The following AKAP13 variants were observed in gnomAD, a reference collection of about 807,000 sequenced individuals.
AKAP13 encodes the protein A-kinase anchor protein 13.
A neutral mutation model predicts 264.5 loss-of-function variants in AKAP13; 80 were observed. The ratio of observed to expected loss-of-function variants is 0.30; its 90% CI spans 0.25 to 0.36. AKAP13 has a LOEUF of 0.36. Ranked by LOEUF, AKAP13 falls within the 10% of genes least tolerant of loss-of-function variation. The pLI is 1.00. For synonymous variants in AKAP13, 1,380 were observed against 1,250.2 expected, an observed-to-expected ratio of 1.10 and a Z score of -2.19; for missense variants, 3,712 against 3,435.2, an observed-to-expected ratio of 1.08 and a Z score of -2.01.
intron 1 of AKAP13, among the ~76,000 whole-genome samples, chr15:85,411,017 A>C (rs1238695464): frequency 1.3e-5 from 2 of 152,210 alleles, no homozygotes; most frequent in Non-Finnish European, 2.9e-5. Flanking sequence ...TGGTTCTCCA[A>C]GTGTAGTCAG....
intron 1 of AKAP13, among the ~76,000 whole-genome samples, chr15:85,472,443 A>G (rs1208564663): frequency 6.6e-6 from 1 of 152,214 alleles, no homozygotes; most frequent in Non-Finnish European, 1.5e-5. Flanking sequence ...TTAGAAATAA[A>G]ACATTTAAGA....
At chr15:85,515,547 T>G (rs1463749190) in intron 2 of AKAP13, among the ~76,000 whole-genome samples, 1 of 139,334 alleles carries the variant, frequency 7.2e-6, no homozygotes, top group Non-Finnish European at 1.5e-5. Context: ...AATAGCAGCT[T>G]GTTTTTATTA....
At position 85,437,311 on chromosome 15, in the gene AKAP13, A is replaced by T. The variant is rs372557940; in HGVS notation, c.-11-48399A>T. On this transcript the variant is annotated intron_variant, in intron 1 of 36. Transcript: ENST00000394518. ...TGAATAGACCAATAACAGGAGCTGA[A>T]ATTATGGCAATAATCAATAGTTTAC... Among the ~76,000 whole-genome samples the T allele has an allele frequency of 1.4e-4, 22 of 152,252 alleles. No individual in the cohort carries two copies. In the East Asian group the frequency reaches 3.7e-3, roughly 25 times the overall value.
intron 8 of AKAP13, among the ~76,000 whole-genome samples, chr15:85,634,121 A>G (rs902404374): frequency 6.6e-6 from 1 of 152,218 alleles, no homozygotes; most frequent in Non-Finnish European, 1.5e-5. Context: ...CTGTAATAGT[A>G]AAATAGCTGA....
intron 8 of AKAP13, chr15:85,621,453 T>C (rs1217688679): frequency 6.6e-6 from 1 of 152,256 alleles, no homozygotes. Flanking sequence ...TTTGTCCTCA[T>C]ATAATGTATT....
At chr15:85,508,955 C>T (rs2076329029) in intron 2 of AKAP13, among the ~76,000 whole-genome samples, 1 of 152,172 alleles carries the variant, frequency 6.6e-6, no homozygotes, top group Non-Finnish European at 1.5e-5. Context: ...AGTATCCTCT[C>T]ATCCCTATTT....
intron 18 of AKAP13, among the ~76,000 whole-genome samples, chr15:85,709,576 G>A (rs1316957987): frequency 6.6e-6 from 1 of 152,098 alleles, no homozygotes; most frequent in African/African-American, 2.4e-5. Flanking sequence ...AGACTCAATT[G>A]TTGTGAATGT....
intron 1 of AKAP13, among the ~76,000 whole-genome samples, chr15:85,399,718 TA>T (rs1431218800): frequency 6.6e-6 from 1 of 151,804 alleles, no homozygotes; most frequent in Non-Finnish European, 1.5e-5. Context: ...TTCTCAATAT[TA>T]AAAGACAGAT....
intron 8 of AKAP13, among the ~76,000 whole-genome samples, chr15:85,618,291 A>G (rs1306812912): frequency 2.0e-5 from 3 of 151,656 alleles, no homozygotes; most frequent in Admixed American, 6.6e-5. Flanking sequence ...CTCCTGAAAA[A>G]CCTTTTCACC....
chr15:85,382,726 C>A (rs192776646), intron 1 of AKAP13, among the ~76,000 whole-genome samples: 126 of 152,332 alleles, frequency 8.3e-4, no homozygotes, highest in African/African-American at 2.8e-3. Flanking sequence ...CTCCTCTAGT[C>A]CTTTAACTCC....
intron 29 of AKAP13, among the ~76,000 whole-genome samples, chr15:85,728,373 G>C (rs2087746582): frequency 6.6e-6 from 1 of 152,196 alleles, no homozygotes; most frequent in Admixed American, 6.5e-5. Context: ...GACAGCTTTA[G>C]ACCAGAGCCA....
chr15:85,682,781 C>T (rs1324676029), intron 15 of AKAP13, among the ~76,000 whole-genome samples: 1 of 152,134 alleles, frequency 6.6e-6, no homozygotes, highest in Non-Finnish European at 1.5e-5. Flanking sequence ...CATTCTCCTG[C>T]CTCAGCCTCC....
At chr15:85,629,976 T>C (rs1401670608) in intron 8 of AKAP13, among the ~76,000 whole-genome samples, 7 of 151,460 alleles carry the variant, frequency 4.6e-5, no homozygotes. Flanking sequence ...GACAGGGTTT[T>C]TCCATGTTGC....
intron 1 of AKAP13, among the ~76,000 whole-genome samples, chr15:85,406,396 G>GTTT (rs34569805): frequency 3.5e-5 from 5 of 143,824 alleles, no homozygotes; most frequent in African/African-American, 1.3e-4. Flanking sequence ...CTAGAAAATA[G>GTTT]TTTTTTTTTT....
At position 85,580,960 on chromosome 15, in the gene AKAP13, T is replaced by C. The variant is rs767630630; in HGVS notation, c.2892T>C (p.His964=). Residue 964 remains histidine (H), a synonymous_variant, in exon 7 of 37, where the codon CAT becomes CAC. Transcript: ENST00000394518. ...PPPGQDTQQF[H]EKSISADCAK... is the part of the protein sequence containing the mutation. The stretch of plus-strand genomic sequence containing the variant: ...CTGGACAAGATACTCAACAATTTCA[T>C]GAAAAATCAATCTCAGCTGACTGTG... The C allele has an allele frequency of 1.1e-5, 17 of 1,614,032 alleles. No individual in the cohort carries two copies. Among genetic ancestry groups the C allele is most frequent in the Non-Finnish European group, 2.5e-6 (3 of 1,180,030 alleles).
intron 3 of AKAP13, among the ~76,000 whole-genome samples, chr15:85,525,221 C>A (rs2076990333): frequency 6.6e-6 from 1 of 151,808 alleles, no homozygotes; most frequent in Admixed American, 6.6e-5. Context: ...CCACACCTGG[C>A]TAATTTTTTT....
chr15:85,701,335 T>A (rs2085898453), intron 17 of AKAP13: 1 of 152,258 alleles, frequency 6.6e-6, no homozygotes, highest in Non-Finnish European at 1.5e-5. Flanking sequence ...TAGTTGTTCT[T>A]TGATTTTTGG....
chr15:85,502,170 T>C (rs898495615), intron 2 of AKAP13, among the ~76,000 whole-genome samples: 6 of 152,208 alleles, frequency 3.9e-5, no homozygotes, highest in Non-Finnish European at 8.8e-5. Flanking sequence ...TGAGAACCCA[T>C]GTAGAGAAAG....
chr15:85,392,062 C>T (rs528981517), intron 1 of AKAP13, among the ~76,000 whole-genome samples: 44 of 151,372 alleles, frequency 2.9e-4, no homozygotes, highest in African/African-American at 1.0e-3. Flanking sequence ...GGATTACAGG[C>T]GTGAGTCACC....
Sources: gnomAD v4.1 joint callset for allele counts (sites outside exome capture counted in the v4.1 genomes callset) on GRCh38, gnomAD v4.1.1 for gene constraint, MANE v1.5 for transcripts, NCBI Gene and HGNC (gene_info 2026-07-23, HGNC 2026-07-21) for gene names.